PTPRM: variants seen among roughly 807,000 people sequenced by gnomAD.
PTPRM encodes receptor-type tyrosine-protein phosphatase mu.
PTPRM carries 47 observed loss-of-function variants against 186.7 expected under a neutral mutation model. That is an observed-to-expected ratio of 0.25 (90% confidence interval 0.20 to 0.32). The LOEUF is 0.32. Ranked by LOEUF, PTPRM falls within the 10% of genes least tolerant of loss-of-function variation. The pLI, the probability that PTPRM is intolerant of heterozygous loss-of-function variation, is 1.00. For missense variants in PTPRM, 1,494 were observed against 1,865.0 expected (o/e 0.80, Z 3.66); for synonymous variants, 668 against 674.9 (o/e 0.99, Z 0.16).
At chr18:7,645,356 C>T (rs1159516876) in intron 1 of PTPRM, among the ~76,000 whole-genome samples, 1 of 152,102 alleles carries the variant, frequency 6.6e-6, no homozygotes, top group Non-Finnish European at 1.5e-5. Flanking sequence ...ACGATTTCAA[C>T]AATTCCAGGA....
At chr18:7,809,945 A>C (rs567955953) in intron 2 of PTPRM, among the ~76,000 whole-genome samples, 17 of 152,332 alleles carry the variant, frequency 1.1e-4, no homozygotes, top group African/African-American at 4.1e-4. Context: ...TGTTTCAGGG[A>C]ATATCTGCAA....
chr18:7,830,852 A>G (rs1176815926), intron 2 of PTPRM, among the ~76,000 whole-genome samples: 1 of 152,104 alleles, frequency 6.6e-6, no homozygotes, highest in East Asian at 1.9e-4. Flanking sequence ...CTGGTCCAAT[A>G]TATTTCCCTT....
intron 2 of PTPRM, among the ~76,000 whole-genome samples, chr18:7,799,460 C>T (rs1238152471): frequency 1.3e-5 from 2 of 152,152 alleles, no homozygotes; most frequent in Non-Finnish European, 2.9e-5. Flanking sequence ...TCAAGTAAGG[C>T]TTTGGTTATA....
At chr18:8,131,833 A>G (rs1252928048) in intron 13 of PTPRM, among the ~76,000 whole-genome samples, 3 of 152,338 alleles carry the variant, frequency 2.0e-5, no homozygotes, top group Admixed American at 6.5e-5. Context: ...GGAATAAATA[A>G]CTGTCTCTGA....
intron 8 of PTPRM, among the ~76,000 whole-genome samples, chr18:8,072,894 TATTA>T (rs1306162273): frequency 1.3e-5 from 2 of 152,180 alleles, no homozygotes; most frequent in African/African-American, 2.4e-5. Context: ...ATTAGTAGTA[TATTA>T]ATTATTTATT....
chr18:7,901,881 T>C (rs188751526), intron 3 of PTPRM, among the ~76,000 whole-genome samples: 49 of 152,384 alleles, frequency 3.2e-4, no homozygotes, highest in Non-Finnish European at 7.3e-5. Flanking sequence ...CATACTAAGT[T>C]GTAAACTTGA....
intron 14 of PTPRM, among the ~76,000 whole-genome samples, chr18:8,234,326 T>A (rs1324781625): frequency 6.6e-6 from 1 of 152,218 alleles, no homozygotes; most frequent in African/African-American, 2.4e-5. Context: ...CCTAATTATT[T>A]CACTTTTGGA....
At chr18:8,269,176 A>T (rs1488539040) in intron 19 of PTPRM, among the ~76,000 whole-genome samples, 1 of 152,030 alleles carries the variant, frequency 6.6e-6, no homozygotes, top group Admixed American at 6.6e-5. Flanking sequence ...CAGAGACTCC[A>T]CCAGAAACTG....
At chr18:7,981,767 A>G (rs553903575) in intron 7 of PTPRM, among the ~76,000 whole-genome samples, 3 of 152,358 alleles carry the variant, frequency 2.0e-5, no homozygotes, top group Non-Finnish European at 2.9e-5. Context: ...CACCCAGGCT[A>G]TATGGTATAG....
At chr18:8,238,101 T>C (rs1337810512) in intron 14 of PTPRM, among the ~76,000 whole-genome samples, 2 of 152,170 alleles carry the variant, frequency 1.3e-5, no homozygotes, top group African/African-American at 4.8e-5. Context: ...AATAGAAAAA[T>C]AACTGGAAAA....
intron 4 of PTPRM, among the ~76,000 whole-genome samples, chr18:7,911,898 G>A (rs976109642): frequency 7.8e-6 from 1 of 127,902 alleles, no homozygotes; most frequent in Non-Finnish European, 1.5e-5. Context: ...TCTCACCCAG[G>A]CTGGAGTGCA....
At chr18:8,384,398 C>T (rs1758930663) in intron 29 of PTPRM, among the ~76,000 whole-genome samples, 163 bp from the exon 30 acceptor site, 1 of 152,082 alleles carries the variant, frequency 6.6e-6, no homozygotes, top group Non-Finnish European at 1.5e-5. Flanking sequence ...CTCAAGGCTG[C>T]AGTGAGCCAT....
At chr18:7,663,303 A>G (rs529151741) in intron 1 of PTPRM, among the ~76,000 whole-genome samples, 3 of 152,332 alleles carry the variant, frequency 2.0e-5, no homozygotes, top group Admixed American at 6.5e-5. Context: ...GTGACCACCT[A>G]AAGATCAAGT....
rs117060387 is a variant in PTPRM, at chr18:7,958,283, G to T, written c.1132+2869G>T. 4.6e-3 allele frequency among the ~76,000 whole-genome samples: 695 copies of T among 151,462 alleles called. 4 individuals are homozygous for T. The highest frequency in any genetic ancestry group is 6.9e-3 in the Non-Finnish European group (471 of 67,946). ...GCAAAATGCCCATATTGAAGGAGGT[G>T]ATAGCCTTACTCTACCAGTGCTGTT... On this transcript the variant is annotated intron_variant, in intron 7 of 32. Coordinates refer to ENST00000580170, the MANE Select transcript of PTPRM (RefSeq NM_001105244.2).
intron 1 of PTPRM, among the ~76,000 whole-genome samples, chr18:7,771,168 T>G (rs754168734): frequency 2.0e-5 from 3 of 152,196 alleles, no homozygotes; most frequent in Non-Finnish European, 2.9e-5. Context: ...TAGCCAGCCT[T>G]AAGTTGTTTT....
chr18:8,188,921 T>C (rs2093675552), intron 14 of PTPRM, among the ~76,000 whole-genome samples: 1 of 152,096 alleles, frequency 6.6e-6, no homozygotes, highest in Admixed American at 6.5e-5. Flanking sequence ...ATTATTAAGA[T>C]AACAGTGGCC....
At chr18:7,712,936 A>G (rs2040243655) in intron 1 of PTPRM, among the ~76,000 whole-genome samples, 1 of 152,172 alleles carries the variant, frequency 6.6e-6, no homozygotes, top group Non-Finnish European at 1.5e-5. Flanking sequence ...ACCAAGTTGG[A>G]AAACACACTT....
chr18:7,672,719 C>A (rs2039246208), intron 1 of PTPRM, among the ~76,000 whole-genome samples: 1 of 152,190 alleles, frequency 6.6e-6, no homozygotes, highest in African/African-American at 2.4e-5. Flanking sequence ...AGGGGCGACT[C>A]TCTCTGTGCA....
chr18:7,653,719 G>A (rs936337696), intron 1 of PTPRM, among the ~76,000 whole-genome samples: 1 of 152,266 alleles, frequency 6.6e-6, no homozygotes, highest in African/African-American at 2.4e-5. Context: ...ATCTGTCATT[G>A]ATGGGCATTT....
Sources: gnomAD v4.1 joint callset for allele counts (sites outside exome capture counted in the v4.1 genomes callset) on GRCh38, gnomAD v4.1.1 for gene constraint, MANE v1.5 for transcripts, NCBI Gene and HGNC (gene_info 2026-07-23, HGNC 2026-07-21) for gene names.